The following THOC2 variants were observed in gnomAD, a reference collection of about 807,000 sequenced individuals.
THOC2 encodes the protein THO complex 2.
In THOC2, 10 loss-of-function variants were observed where a neutral mutation model predicts 128.4. The ratio of observed to expected loss-of-function variants is 0.08; its 90% CI spans 0.05 to 0.13. THOC2 has a LOEUF of 0.13. Among genes scored for constraint, THOC2 ranks in the 10% least tolerant of loss-of-function variants. The pLI is 1.00. For synonymous variants in THOC2, 393 were observed against 396.9 expected, an observed-to-expected ratio of 0.99 and a Z score of 0.12; for missense variants, 535 against 1,155.7, an observed-to-expected ratio of 0.46 and a Z score of 7.79.
chrX:123,719,307 G>A (rs777746871), intron 1 of THOC2, among the ~76,000 whole-genome samples: 98 of 110,939 alleles, frequency 8.8e-4, no homozygotes, highest in Non-Finnish European at 8.3e-4. Context: ...TAATAACTAG[G>A]GAAATGCAAA....
intron 1 of THOC2, among the ~76,000 whole-genome samples, chrX:123,714,275 T>A (rs892634408): frequency 9.8e-5 from 11 of 112,185 alleles, no homozygotes; most frequent in South Asian, 7.3e-4. Context: ...GCTATTTTTT[T>A]AAAAAGCTGT....
intron 10 of THOC2, among the ~76,000 whole-genome samples, chrX:123,667,582 A>G (rs1216712919): frequency 9.0e-6 from 1 of 110,552 alleles, no homozygotes; most frequent in Non-Finnish European, 1.9e-5. Context: ...TACAAAAAAT[A>G]CAAAAATTAG....
At chrX:123,710,770 G>A (rs868736536) in intron 2 of THOC2, among the ~76,000 whole-genome samples, 3 of 108,653 alleles carry the variant, frequency 2.8e-5, no homozygotes, top group African/African-American at 1.0e-4. Context: ...TGTGCGAATC[G>A]CCTGAGGTCA....
rs1402115305 is a variant in THOC2 at position 123,716,511 on chromosome X, G to C, written c.72-3603C>G. On this transcript the variant is annotated intron_variant, in intron 1 of 38. Coordinates refer to ENST00000245838, the MANE Select transcript of THOC2 (RefSeq NM_001081550.2). The stretch of plus-strand genomic sequence containing the variant: ...GAGGCCGAGGCGGGTGAATCACAAG[G>C]TAAGGAGATCGAGATCATCCTGGCT... Among the ~76,000 whole-genome samples the C allele has an allele frequency of 7.2e-5, 8 of 111,110 alleles. No homozygotes were observed. The East Asian group carries it at 2.0e-3, about 28-fold the overall frequency.
intron 32 of THOC2, 117 bp downstream of exon 32, chrX:123,620,790 A>T (rs2147583996): frequency 3.0e-6 from 2 of 658,861 alleles, no homozygotes; most frequent in East Asian, 6.9e-5. Flanking sequence ...CTAATGCAAT[A>T]TAAAACCTCC....
At chrX:123,626,203 A>T in intron 24 of THOC2, 134 bp from the exon 25 acceptor site, 1 of 466,399 alleles carries the variant, frequency 2.1e-6, no homozygotes, top group Non-Finnish European at 3.5e-6. Flanking sequence ...TTGTAACCAA[A>T]TGTCATGCCT....
At position 123,696,151 on chromosome X, in the gene THOC2, A is replaced by G; in HGVS notation, c.471T>C (p.Tyr157=). The change falls in exon 7 of 39, where the codon TAT becomes TAC. Residue 157 remains tyrosine (Y), a synonymous_variant. Transcript: ENST00000245838. ...KSVKIKTKLF[Y]KQQKFNLLRE... is the part of the protein sequence containing the mutation. ...TTAACAAATTGAATTTTTGCTGCTTATAACTGAAATCAGATAAATATCATT... is the reference window on the plus strand; with the variant it reads ...TTAACAAATTGAATTTTTGCTGCTTGTAACTGAAATCAGATAAATATCATT... 1.7e-6 allele frequency: 2 copies of G among 1,155,690 alleles called. No individual in the cohort carries two copies. Among genetic ancestry groups the G allele is most frequent in the Non-Finnish European group, 2.4e-6 (2 of 849,628 alleles).
chrX:123,712,746 G>A, intron 2 of THOC2, 104 bp downstream of exon 2: 1 of 494,998 alleles, frequency 2.0e-6, no homozygotes, highest in Non-Finnish European at 3.3e-6. Flanking sequence ...TTTATATAAT[G>A]TGAACTATCT....
At chrX:123,660,125 T>A (rs2048769381) in intron 12 of THOC2, among the ~76,000 whole-genome samples, 1 of 111,946 alleles carries the variant, frequency 8.9e-6, no homozygotes, top group African/African-American at 3.3e-5. Context: ...TCTCTTCCCT[T>A]CTGCCCTTCA....
intron 6 of THOC2, among the ~76,000 whole-genome samples, 162 bp downstream of exon 6, chrX:123,696,559 C>G (rs2050455310): frequency 2.7e-5 from 3 of 111,280 alleles, no homozygotes. Flanking sequence ...TCACTGATGA[C>G]TCAATATTAG....
chrX:123,631,586 A>T, intron 22 of THOC2, 102 bp downstream of exon 22: 2 of 939,243 alleles, frequency 2.1e-6, no homozygotes, highest in Non-Finnish European at 3.0e-6. Context: ...GTTTAGGGCC[A>T]AGACCTTCCC....
At chrX:123,675,620 G>C (rs751620588) in intron 8 of THOC2, among the ~76,000 whole-genome samples, 134 of 108,331 alleles carry the variant, frequency 1.2e-3, no homozygotes, top group Non-Finnish European at 2.1e-3. Flanking sequence ...TTCAGCCTGG[G>C]TGACAGAGGG....
chrX:123,685,867 C>T (rs1244945407), intron 8 of THOC2, among the ~76,000 whole-genome samples: 1 of 110,640 alleles, frequency 9.0e-6, no homozygotes, highest in Non-Finnish European at 1.9e-5. Context: ...TATTCACATC[C>T]CTAAAAAATT....
chrX:123,679,935 A>G (rs1390121287), intron 8 of THOC2, among the ~76,000 whole-genome samples: 1 of 112,222 alleles, frequency 8.9e-6, no homozygotes. Context: ...AGGGACACAA[A>G]CCACTGCACA....
chrX:123,612,324 A>G (rs761806334), intron 36 of THOC2, among the ~76,000 whole-genome samples: 1 of 112,464 alleles, frequency 8.9e-6, no homozygotes, highest in South Asian at 3.7e-4. Flanking sequence ...TGGTATATTC[A>G]TATAATGAAA....
At chrX:123,632,133 C>A in intron 21 of THOC2, among the ~76,000 whole-genome samples, 1 of 110,836 alleles carries the variant, frequency 9.0e-6, no homozygotes, top group Non-Finnish European at 1.9e-5. Flanking sequence ...AAAATAATAA[C>A]CATAGGCAAA....
chrX:123,640,945 CAA>C (rs1187333325), intron 15 of THOC2, among the ~76,000 whole-genome samples: 8 of 111,570 alleles, frequency 7.2e-5, no homozygotes, highest in Non-Finnish European at 1.5e-4. Flanking sequence ...TACAAAGAAT[CAA>C]AATTATTTCA....
intron 1 of THOC2, among the ~76,000 whole-genome samples, chrX:123,726,765 G>C (rs2052009838): frequency 8.9e-6 from 1 of 111,893 alleles, no homozygotes; most frequent in Admixed American, 9.5e-5. Context: ...ATGTTCATTA[G>C]GACACAGATG....
At chrX:123,701,616 A>C (rs1216855708) in intron 4 of THOC2, among the ~76,000 whole-genome samples, 1 of 110,571 alleles carries the variant, frequency 9.0e-6, no homozygotes, top group Non-Finnish European at 1.9e-5. Context: ...TGTTACCTAC[A>C]CATCAGTCTT....
Sources: gnomAD v4.1 joint callset for allele counts (sites outside exome capture counted in the v4.1 genomes callset) on GRCh38, gnomAD v4.1.1 for gene constraint, MANE v1.5 for transcripts, NCBI Gene and HGNC (gene_info 2026-07-23, HGNC 2026-07-21) for gene names.